Variants in RBMS3 observed in about 807,000 individuals in gnomAD.
The protein encoded by RBMS3 is RNA binding motif single stranded interacting protein 3.
Under a neutral mutation model 66.8 loss-of-function variants are expected in RBMS3, and 27 were observed. The observed-to-expected ratio is 0.40, with a 90% CI of 0.30 to 0.56. RBMS3 has a LOEUF of 0.56. Ranked by LOEUF, RBMS3 falls within the 20% of genes least tolerant of loss-of-function variation. RBMS3 has a pLI of 0.40. For missense variants in RBMS3, 513 were observed against 549.5 expected, an observed-to-expected ratio of 0.93 and a Z score of 0.66; for synonymous variants, 188 against 183.0, an observed-to-expected ratio of 1.03 and a Z score of -0.22.
intron 12 of RBMS3, among the ~76,000 whole-genome samples, chr3:29,960,159 A>G (rs1268698952): frequency 1.3e-5 from 2 of 152,224 alleles, no homozygotes; most frequent in Non-Finnish European, 2.9e-5. Context: ...CCTAGATACA[A>G]TGTGAGTACA....
At chr3:29,350,301 GT>G (rs1371125075) in intron 1 of RBMS3, among the ~76,000 whole-genome samples, 1 of 152,110 alleles carries the variant, frequency 6.6e-6, no homozygotes, top group African/African-American at 2.4e-5. Flanking sequence ...ATAATTGGTT[GT>G]TTTTTGTTTG....
At chr3:29,929,005 T>A (rs1173632472) in intron 10 of RBMS3, among the ~76,000 whole-genome samples, 3 of 152,134 alleles carry the variant, frequency 2.0e-5, no homozygotes, top group African/African-American at 7.2e-5. Flanking sequence ...TCTAAACAAT[T>A]AATATTTCCA....
chr3:29,812,590 C>T (rs2057759705), intron 6 of RBMS3, among the ~76,000 whole-genome samples: 1 of 152,158 alleles, frequency 6.6e-6, no homozygotes, highest in Non-Finnish European at 1.5e-5. Context: ...TGTTGGGATC[C>T]AGTCTGCCCA....
chr3:29,530,310 A>G (rs537848984), intron 3 of RBMS3, among the ~76,000 whole-genome samples: 1 of 152,320 alleles, frequency 6.6e-6, no homozygotes, highest in African/African-American at 2.4e-5. Flanking sequence ...GAAAAATCAA[A>G]TAATATAAAC....
chr3:29,808,379 T>C (rs1413702093), intron 6 of RBMS3, among the ~76,000 whole-genome samples: 1 of 152,026 alleles, frequency 6.6e-6, no homozygotes, highest in Admixed American at 6.6e-5. Context: ...AGAATTGATA[T>C]TGTGAACCAC....
chr3:29,845,695 T>C (rs2058760077), intron 6 of RBMS3, among the ~76,000 whole-genome samples: 1 of 152,198 alleles, frequency 6.6e-6, no homozygotes, highest in Non-Finnish European at 1.5e-5. Flanking sequence ...AATATTTGAA[T>C]TCTGGAGCAG....
rs374451529 is a variant in RBMS3, at chr3:29,598,212, T to C, written c.399+11007T>C. Reference sequence around the variant, plus strand: ...ATCAAACAAAGTTAAGTTTATTGGATACCAGAATGCAGCACACAGAAGTCT... The same window carrying C: ...ATCAAACAAAGTTAAGTTTATTGGACACCAGAATGCAGCACACAGAAGTCT... On this transcript the variant is annotated intron_variant, in intron 4 of 14. Transcript: ENST00000383767. 5.9e-5 allele frequency among the ~76,000 whole-genome samples: 9 copies of C among 152,258 alleles called. No individual in the cohort carries two copies. The East Asian group carries it at 9.7e-4, about 16-fold the overall frequency.
At chr3:29,348,186 A>G (rs983897047) in intron 1 of RBMS3, among the ~76,000 whole-genome samples, 1 of 152,174 alleles carries the variant, frequency 6.6e-6, no homozygotes, top group Non-Finnish European at 1.5e-5. Context: ...CTTTATCAAT[A>G]AAGTTGGAAA....
chr3:29,444,432 T>G (rs1490300885), intron 2 of RBMS3, among the ~76,000 whole-genome samples: 2 of 151,882 alleles, frequency 1.3e-5, no homozygotes, highest in East Asian at 3.9e-4. Flanking sequence ...TGTATAACAA[T>G]AAAAGAAAAT....
intron 3 of RBMS3, among the ~76,000 whole-genome samples, chr3:29,575,430 C>A (rs975999597): frequency 6.6e-6 from 1 of 151,752 alleles, no homozygotes; most frequent in Non-Finnish European, 1.5e-5. Flanking sequence ...AGGATCCTTT[C>A]TTTATCCTTG....
At chr3:29,975,721 C>G (rs1697540376) in intron 12 of RBMS3, among the ~76,000 whole-genome samples, 1 of 151,928 alleles carries the variant, frequency 6.6e-6, no homozygotes, top group South Asian at 2.1e-4. Context: ...ACTAAGCACA[C>G]TATCTTAATT....
chr3:29,766,007 A>G (rs1319000035), intron 6 of RBMS3: 4 of 152,032 alleles, frequency 2.6e-5, no homozygotes, highest in African/African-American at 9.7e-5. Flanking sequence ...CCATGATTCA[A>G]TTATCTCCCA....
chr3:29,887,272 A>T (rs1170178766), intron 8 of RBMS3, among the ~76,000 whole-genome samples: 1 of 151,838 alleles, frequency 6.6e-6, no homozygotes, highest in Non-Finnish European at 1.5e-5. Flanking sequence ...GTGAAGAAAG[A>T]TGATGATATG....
intron 3 of RBMS3, among the ~76,000 whole-genome samples, chr3:29,562,001 A>G (rs2046573989): frequency 6.6e-6 from 1 of 152,220 alleles, no homozygotes; most frequent in South Asian, 2.1e-4. Context: ...TACATATGAG[A>G]AACACAGTGT....
intron 6 of RBMS3, among the ~76,000 whole-genome samples, chr3:29,845,636 A>G (rs1236101358): frequency 1.3e-5 from 2 of 152,172 alleles, no homozygotes; most frequent in African/African-American, 4.8e-5. Flanking sequence ...ACTGTTTTCT[A>G]GAGGTAACAG....
chr3:29,288,002 A>AGTAT (rs1332502880), intron 1 of RBMS3, among the ~76,000 whole-genome samples: 1 of 151,998 alleles, frequency 6.6e-6, no homozygotes, highest in Non-Finnish European at 1.5e-5. Context: ...TTACTCAGGG[A>AGTAT]GTATGTATTA....
At chr3:29,561,280 C>G (rs557406529) in intron 3 of RBMS3, among the ~76,000 whole-genome samples, 1 of 152,084 alleles carries the variant, frequency 6.6e-6, no homozygotes, top group Non-Finnish European at 1.5e-5. Flanking sequence ...GGTCTAATCC[C>G]TTTAGACCAA....
At chr3:29,978,091 C>A (rs945441433) in intron 12 of RBMS3, among the ~76,000 whole-genome samples, 2 of 152,114 alleles carry the variant, frequency 1.3e-5, no homozygotes, top group Non-Finnish European at 2.9e-5. Flanking sequence ...AGTGTTTGTG[C>A]AGGCTGTATT....
chr3:29,373,833 C>G (rs994204147), intron 1 of RBMS3, among the ~76,000 whole-genome samples: 3 of 152,094 alleles, frequency 2.0e-5, no homozygotes, highest in African/African-American at 4.8e-5. Context: ...CAGAAGTAAT[C>G]AAAGCTTTTT....
Sources: gnomAD v4.1 joint callset for allele counts (sites outside exome capture counted in the v4.1 genomes callset) on GRCh38, gnomAD v4.1.1 for gene constraint, MANE v1.5 for transcripts, NCBI Gene and HGNC (gene_info 2026-07-23, HGNC 2026-07-21) for gene names.